The following ITGB6 variants were observed in gnomAD, a reference collection of about 807,000 sequenced individuals.
ITGB6 encodes the protein integrin subunit beta 6, also known as integrin beta-6.
In ITGB6, 80 loss-of-function variants were observed where a neutral mutation model predicts 84.5. That is an observed-to-expected ratio of 0.95 (90% confidence interval 0.79 to 1.14). ITGB6 has a LOEUF of 1.14. ITGB6 is among the 50% of genes most tolerant of loss of function. The pLI is 0.00. For synonymous variants in ITGB6, 383 were observed against 354.9 expected (o/e 1.08, Z -0.89); for missense variants, 1,006 against 968.0 (o/e 1.04, Z -0.52).
At chr2:160,173,401 C>G (rs1451404584) in intron 5 of ITGB6, among the ~76,000 whole-genome samples, 1 of 152,150 alleles carries the variant, frequency 6.6e-6, no homozygotes, top group African/African-American at 2.4e-5. Context: ...ATTCCTTGGC[C>G]CTCCCACCTT....
intron 13 of ITGB6, among the ~76,000 whole-genome samples, chr2:160,110,518 GCTGGTA>G (rs1270585738): frequency 2.0e-5 from 3 of 152,284 alleles, no homozygotes; most frequent in Non-Finnish European, 4.4e-5. Flanking sequence ...ATCTACCCTA[GCTGGTA>G]CTTTCCAGCC....
chr2:160,166,746 T>C (rs373872080), intron 7 of ITGB6, among the ~76,000 whole-genome samples: 1 of 152,162 alleles, frequency 6.6e-6, no homozygotes, highest in Non-Finnish European at 1.5e-5. Flanking sequence ...TAATAATAAG[T>C]TTGTTCAAAA....
intron 13 of ITGB6, among the ~76,000 whole-genome samples, chr2:160,111,823 A>G (rs1249101398): frequency 1.3e-5 from 2 of 151,668 alleles, no homozygotes; most frequent in Non-Finnish European, 2.9e-5. Context: ...CAAGTGACCC[A>G]CCCTCCTCGG....
At position 160,197,396 on chromosome 2, in the gene ITGB6, T is replaced by C. The variant is rs1329511337; in HGVS notation, c.142-976A>G. On this transcript the variant is annotated intron_variant, in intron 2 of 14. Transcript: ENST00000283249. ...GTCTTTCCCAGCAGAGATGTGGCCG[T>C]TCAAATTCTGAAACACCCAAAACAG... 2.0e-5 allele frequency among the ~76,000 whole-genome samples: 3 copies of C among 152,232 alleles called. No homozygotes were observed. In the East Asian group the frequency reaches 5.8e-4, roughly 29 times the overall value.
chr2:160,183,710 C>T lies in ITGB6; in HGVS notation c.594-9571G>A, dbSNP rs199546422. Among the ~76,000 whole-genome samples the T allele has an allele frequency of 2.0e-4, 31 of 152,308 alleles. No individual in the cohort carries two copies. The East Asian group carries it at 5.6e-3, about 27-fold the overall frequency. On this transcript the variant is annotated intron_variant, in intron 4 of 14. Transcript: ENST00000283249. The stretch of plus-strand genomic sequence containing the variant: ...ACATTCTTCTCAGCACCAAGTCGCA[C>T]TTATTCTAAAATTGACCACATAATT...
At chr2:160,118,476 A>G (rs2105789776) in intron 12 of ITGB6, among the ~76,000 whole-genome samples, 1 of 152,344 alleles carries the variant, frequency 6.6e-6, no homozygotes, top group East Asian at 1.9e-4. Flanking sequence ...GCTTCATGCT[A>G]AAAACTCTCA....
chr2:160,101,969 A>G (rs1696739557), intron 14 of ITGB6, 135 bp from the exon 15 acceptor site: 1 of 611,184 alleles, frequency 1.6e-6, no homozygotes, highest in Non-Finnish European at 2.9e-6. Context: ...TTAATTTGGC[A>G]TTTCATATGT....
intron 4 of ITGB6, among the ~76,000 whole-genome samples, chr2:160,179,899 A>T (rs1443147019): frequency 2.0e-5 from 3 of 146,974 alleles, no homozygotes; most frequent in African/African-American, 7.5e-5. Context: ...GGAGTTCAAG[A>T]CCAGCCAGAC....
intron 10 of ITGB6, among the ~76,000 whole-genome samples, chr2:160,132,819 A>C (rs145845125): frequency 5.3e-5 from 8 of 152,280 alleles, no homozygotes; most frequent in Non-Finnish European, 1.2e-4. Flanking sequence ...ATATTAAAAC[A>C]TACATATTTC....
At chr2:160,185,148 A>G (rs542371670) in intron 4 of ITGB6, among the ~76,000 whole-genome samples, 92 of 152,220 alleles carry the variant, frequency 6.0e-4, no homozygotes, top group Non-Finnish European at 1.1e-3. Flanking sequence ...GGCAAGGGAA[A>G]GAAATAAAGC....
At chr2:160,107,223 A>T (rs759545104) in intron 14 of ITGB6, among the ~76,000 whole-genome samples, 1 of 152,190 alleles carries the variant, frequency 6.6e-6, no homozygotes, top group African/African-American at 2.4e-5. Flanking sequence ...GTAACCTATT[A>T]TATCAGAAAC....
At position 160,200,125 on chromosome 2, in the gene ITGB6, C is replaced by T; in HGVS notation, c.-62G>A. On this transcript the variant is annotated 5_prime_UTR_variant, in exon 1 of 15. Coordinates refer to ENST00000283249, the MANE Select transcript of ITGB6 (RefSeq NM_000888.5). ...TGAATTACCTTCAGCGTTACAAGAC[C>T]AACGCTGAATATCGTTAAAGTCTTT... 2 of 1,269,474 alleles carry T rather than the reference C, an allele frequency of 1.6e-6. No homozygotes were observed. The highest frequency in any genetic ancestry group is 1.7e-5 in the Admixed American group (1 of 57,794). 78.6% of individuals were successfully genotyped at this position (1,269,474 alleles called of 1,614,324 possible). A position where few individuals can be genotyped will look rare whatever the true frequency, so the allele number is the denominator to read the frequency against.
intron 4 of ITGB6, among the ~76,000 whole-genome samples, chr2:160,175,045 G>A (rs1386465144): frequency 6.6e-6 from 1 of 152,196 alleles, no homozygotes; most frequent in Admixed American, 6.5e-5. Flanking sequence ...TAAAGTTTTA[G>A]AATCACTGGT....
intron 4 of ITGB6, among the ~76,000 whole-genome samples, chr2:160,186,778 T>C (rs956912554): frequency 6.6e-6 from 1 of 152,154 alleles, no homozygotes; most frequent in Non-Finnish European, 1.5e-5. Context: ...TGGAATACTA[T>C]GCAGTCATAA....
chr2:160,150,122 C>T (rs1463031685), intron 7 of ITGB6, among the ~76,000 whole-genome samples: 1 of 152,126 alleles, frequency 6.6e-6, no homozygotes. Flanking sequence ...CAAAGATACT[C>T]CTCGAGAAGG....
At chr2:160,118,692 G>T (rs1682891605) in intron 12 of ITGB6, among the ~76,000 whole-genome samples, 1 of 151,452 alleles carries the variant, frequency 6.6e-6, no homozygotes, top group Non-Finnish European at 1.5e-5. Flanking sequence ...AGGAAATAAA[G>T]GGTATTCAAT....
At chr2:160,143,533 C>T (rs1349284582) in intron 7 of ITGB6, among the ~76,000 whole-genome samples, 1 of 152,114 alleles carries the variant, frequency 6.6e-6, no homozygotes, top group Non-Finnish European at 1.5e-5. Context: ...CTATACTGTA[C>T]TATGTCAACA....
At chr2:160,175,846 A>G (rs529422204) in intron 4 of ITGB6, among the ~76,000 whole-genome samples, 7 of 152,332 alleles carry the variant, frequency 4.6e-5, no homozygotes, top group Admixed American at 2.0e-4. Flanking sequence ...ACCTAACCCT[A>G]TATTTTCCTT....
intron 7 of ITGB6, among the ~76,000 whole-genome samples, chr2:160,145,992 A>G (rs1343857289): frequency 6.6e-6 from 1 of 152,158 alleles, no homozygotes; most frequent in East Asian, 1.9e-4. Context: ...TGCTTTGGAC[A>G]GTAACTCTAC....
Sources: allele counts gnomAD v4.1 joint callset (sites outside exome capture counted in the v4.1 genomes callset), GRCh38; gene constraint gnomAD v4.1.1; transcripts MANE v1.5; gene names NCBI Gene and HGNC (gene_info 2026-07-23, HGNC 2026-07-21).